The following ABCC12 variants were observed in gnomAD, a reference collection of about 807,000 sequenced individuals.
ABCC12 encodes the protein ATP-binding cassette sub-family C member 12.
A neutral mutation model predicts 151.1 loss-of-function variants in ABCC12; 142 were observed. The observed-to-expected ratio is 0.94, with a 90% CI of 0.82 to 1.08. The LOEUF is 1.08. Among genes scored for constraint, ABCC12 ranks in the 50% least tolerant of loss-of-function variants. ABCC12 has a pLI of 0.00. For synonymous variants in ABCC12, 645 were observed against 646.4 expected (o/e 1.00, Z 0.03); for missense variants, 1,638 against 1,691.1 (o/e 0.97, Z 0.55).
chr16:48,152,787 A>C (rs1965134370), intron 2 of ABCC12, among the ~76,000 whole-genome samples: 1 of 152,154 alleles, frequency 6.6e-6, no homozygotes, highest in Non-Finnish European at 1.5e-5. Context: ...TACCAGATGA[A>C]CCCAAAGGAG....
rs773987687 is a variant in ABCC12, at chr16:48,115,415, C to G, written c.1989G>C (p.Gln663His). The change falls in exon 15 of 31, where the codon CAG (glutamine) becomes CAC (histidine). Residue 663 changes from glutamine (Q) to histidine (H), a missense_variant and splice_region_variant. Gln to His is a conservative substitution (Grantham distance 24). Coordinates refer to ENST00000311303, the MANE Select transcript of ABCC12 (RefSeq NM_001393797.1). ...TCCTGGATCCTGCATGTCCCATCAC[C>G]TGTAGCTGGTGGGTCACCAGGACGA... ...KTVVLVTHQLQFLESCDEVIL... is the reference protein window; with the variant it reads ...KTVVLVTHQLHFLESCDEVIL... 4 of 1,613,946 alleles carry G rather than the reference C, an allele frequency of 2.5e-6. No homozygotes were observed. Among genetic ancestry groups the G allele is most frequent in the East Asian group, 2.2e-5 (1 of 44,866 alleles).
chr16:48,100,788 C>G, intron 23 of ABCC12, 84 bp downstream of exon 23: 1 of 1,507,426 alleles, frequency 6.6e-7, no homozygotes, highest in Admixed American at 2.1e-5. Flanking sequence ...CCCAGCAGCC[C>G]AGACTTCCCT....
chr16:48,106,502 G>A (rs534255750), intron 20 of ABCC12, among the ~76,000 whole-genome samples: 6 of 152,294 alleles, frequency 3.9e-5, no homozygotes, highest in East Asian at 1.9e-4. Context: ...TCCAAACCTC[G>A]GGCTCTCCAA....
At chr16:48,104,020 T>A in intron 22 of ABCC12, 122 bp downstream of exon 22, 1 of 1,071,342 alleles carries the variant, frequency 9.3e-7, no homozygotes, top group African/African-American at 1.6e-5. Context: ...ATTTACTAAG[T>A]ACAAAAAAAA....
chr16:48,101,082 A>G, intron 22 of ABCC12, 73 bp from the exon 23 acceptor site: 1 of 1,545,586 alleles, frequency 6.5e-7, no homozygotes, highest in South Asian at 1.2e-5. Context: ...ACACATACAG[A>G]GCCAACTAGG....
At chr16:48,133,620 G>C (rs1412326103) in intron 9 of ABCC12, 67 bp downstream of exon 9, 5 of 1,573,824 alleles carry the variant, frequency 3.2e-6, no homozygotes, top group Non-Finnish European at 4.3e-6. Context: ...ACGGTAGGAA[G>C]GGCTTCCCAC....
intron 3 of ABCC12, 131 bp from the exon 4 acceptor site, chr16:48,144,196 T>G: frequency 8.6e-7 from 1 of 1,169,502 alleles, no homozygotes; most frequent in South Asian, 1.6e-5. Context: ...TTCATTATGT[T>G]TATTAGCCCT....
Position 48,128,349 on chromosome 16 carries a change from T to C in ABCC12, c.1515+110A>G, listed in dbSNP as rs530190009. 9.3e-4 allele frequency: 1,374 copies of C among 1,470,846 alleles called. 1 individual carries two copies. The highest frequency in any genetic ancestry group is 1.2e-3 in the Non-Finnish European group (1,316 of 1,091,096). 91.1% of individuals were successfully genotyped at this position (1,470,846 alleles called of 1,614,324 possible). On this transcript the variant is annotated intron_variant, in intron 11 of 30. Transcript: ENST00000311303. ...AATACAGGGACTCTGGTTAGAGACA[T>C]CCCATCACCACCTTCAGCTCTAACT...
Position 48,115,624 on chromosome 16 carries a change from G to A in ABCC12, c.1786-6C>T. ...TTGAGGCCCCGCTCCCCAATCTGTGGACAGGGACAATGCTACTGCCCATTG... is the reference window on the plus strand; with the variant it reads ...TTGAGGCCCCGCTCCCCAATCTGTGAACAGGGACAATGCTACTGCCCATTG... On this transcript the variant is annotated splice_region_variant and splice_polypyrimidine_tract_variant and intron_variant, in intron 14 of 30. Coordinates refer to ENST00000311303, the MANE Select transcript of ABCC12 (RefSeq NM_001393797.1). The A allele has an allele frequency of 6.2e-7, 1 of 1,612,178 alleles. No homozygotes were observed. The highest frequency in any genetic ancestry group is 8.5e-7 in the Non-Finnish European group (1 of 1,179,084).
intron 24 of ABCC12, among the ~76,000 whole-genome samples, chr16:48,093,555 T>C (rs1314284553): frequency 1.3e-5 from 2 of 152,132 alleles, no homozygotes; most frequent in Admixed American, 6.5e-5. Context: ...GAGCTTCTCA[T>C]CTATTTACTT....
rs758175646 is a variant in ABCC12, at chr16:48,121,826, T to C, written c.1602A>G (p.Lys534=). Residue 534 remains lysine (K), a synonymous_variant, in exon 13 of 31, where the codon AAA becomes AAG. Transcript: ENST00000311303. ...AAGTTCCATTGACTGCCACCACCCC[T>C]TTCTGCAGCTGCATCTGGAACAACA... ...AALLGQMQLQ[K]GVVAVNGTLA... The C allele has an allele frequency of 2.5e-6, 4 of 1,614,202 alleles. No individual in the cohort carries two copies. The South Asian group carries it at 4.4e-5, about 18-fold the overall frequency.
chr16:48,119,379 T>C (rs1257353105), intron 13 of ABCC12, among the ~76,000 whole-genome samples: 1 of 152,258 alleles, frequency 6.6e-6, no homozygotes, highest in Non-Finnish European at 1.5e-5. Flanking sequence ...TCTTTCCCCA[T>C]GTGCCCTGCA....
intron 15 of ABCC12, among the ~76,000 whole-genome samples, chr16:48,113,375 C>T (rs895919640): frequency 7.2e-5 from 11 of 152,228 alleles, no homozygotes; most frequent in South Asian, 2.1e-4. Flanking sequence ...CCACAGCACA[C>T]GCTCCAGCTC....
chr16:48,083,358 G>T lies in ABCC12; in HGVS notation c.*357C>A, dbSNP rs879049587. On this transcript the variant is annotated 3_prime_UTR_variant, in exon 31 of 31. Coordinates refer to ENST00000311303, the MANE Select transcript of ABCC12 (RefSeq NM_001393797.1). The stretch of plus-strand genomic sequence containing the variant: ...ACTCCATCCTAAGGCATTTTCCCAT[G>T]TTGTTTATTGTGGCTGATTTCTAAC... The T allele has an allele frequency of 3.7e-5, 8 of 218,590 alleles. No individual in the cohort carries two copies. In the South Asian group the frequency reaches 9.7e-4, roughly 26 times the overall value. The allele number at this position is 218,590 out of a possible 1,614,324, so 13.5% of individuals were successfully genotyped here.
In ABCC12 at chr16:48,101,008, T is replaced by G; in HGVS notation, c.2902A>C (p.Ile968Leu). 6.2e-7 allele frequency: 1 copy of G among 1,613,876 alleles called. No individual in the cohort carries two copies. The highest frequency in any genetic ancestry group is 2.2e-5 in the East Asian group (1 of 44,868). ...LAVGFFILLRIFHRGVQELKK... is the reference protein window; with the variant it reads ...LAVGFFILLRLFHRGVQELKK... ...AGCTCCTGGACTCCTCTGTGGAAAA[T>G]GCTGGAAGAAAATTGAAAGGGGCCA... The change falls in exon 23 of 31, where the codon ATT becomes CTT. Residue 968 changes from isoleucine to leucine, a missense_variant and splice_region_variant. By Grantham distance (5) the Ile-to-Leu change is conservative. Transcript: ENST00000311303.
Position 48,121,838 on chromosome 16 carries a change from C to T in ABCC12, c.1590G>A (p.Met530Ile). 1 of 1,614,142 alleles carries T rather than the reference C, an allele frequency of 6.2e-7. No homozygotes were observed. The highest frequency in any genetic ancestry group is 8.5e-7 in the Non-Finnish European group (1 of 1,180,004). ...SSLLAALLGQMQLQKGVVAVN... is the reference protein window; with the variant it reads ...SSLLAALLGQIQLQKGVVAVN... ...CTGCCACCACCCCTTTCTGCAGCTGCATCTGGAACAACAAGACGGGAGAAG... is the reference window on the plus strand; with the variant it reads ...CTGCCACCACCCCTTTCTGCAGCTGTATCTGGAACAACAAGACGGGAGAAG... Residue 530 changes from methionine to isoleucine, a missense_variant and splice_region_variant, in exon 13 of 31, where the codon ATG becomes ATA. Met to Ile is a conservative substitution (Grantham distance 10). Coordinates refer to ENST00000311303, the MANE Select transcript of ABCC12 (RefSeq NM_001393797.1).
At chr16:48,091,645 A>G (rs1962902145) in intron 24 of ABCC12, among the ~76,000 whole-genome samples, 1 of 152,158 alleles carries the variant, frequency 6.6e-6, no homozygotes, top group Non-Finnish European at 1.5e-5. Context: ...TCACCATGAG[A>G]CCAGAAAACC....
chr16:48,120,100 A>C (rs537418688), intron 13 of ABCC12, among the ~76,000 whole-genome samples: 3 of 152,348 alleles, frequency 2.0e-5, no homozygotes, highest in Admixed American at 2.0e-4. Flanking sequence ...GGTGAATTGG[A>C]TAAAGAAAAT....
At chr16:48,098,537 T>C (rs756927993) in intron 23 of ABCC12, among the ~76,000 whole-genome samples, 2 of 152,156 alleles carry the variant, frequency 1.3e-5, no homozygotes, top group African/African-American at 2.4e-5. Context: ...CAGAGCTTAG[T>C]CAAAATATTC....
Sources: gnomAD v4.1 joint callset for allele counts (sites outside exome capture counted in the v4.1 genomes callset) on GRCh38, gnomAD v4.1.1 for gene constraint, MANE v1.5 for transcripts, NCBI Gene and HGNC (gene_info 2026-07-23, HGNC 2026-07-21) for gene names.